The following ADGB variants were observed in gnomAD, a reference collection of about 807,000 sequenced individuals.
The protein encoded by ADGB is androglobin.
Under a neutral mutation model 210.5 loss-of-function variants are expected in ADGB, and 172 were observed. The observed-to-expected ratio is 0.82, with a 90% CI of 0.72 to 0.93. ADGB has a LOEUF of 0.93. ADGB is among the 40% of genes least tolerant of loss of function. The pLI is 0.00. For missense variants in ADGB, 2,025 were observed against 1,964.8 expected, an observed-to-expected ratio of 1.03 and a Z score of -0.58; for synonymous variants, 658 against 662.7, an observed-to-expected ratio of 0.99 and a Z score of 0.11.
chr6:146,612,150 C>T (rs1407400023), intron 1 of ADGB, among the ~76,000 whole-genome samples: 1 of 152,174 alleles, frequency 6.6e-6, no homozygotes, highest in Admixed American at 6.5e-5. Context: ...CTCTCTTTCC[C>T]ATCTGCCTCC....
At chr6:146,663,573 C>T (rs1384776904) in intron 5 of ADGB, among the ~76,000 whole-genome samples, 2 of 151,986 alleles carry the variant, frequency 1.3e-5, no homozygotes, top group African/African-American at 2.4e-5. Flanking sequence ...GAGAAACATT[C>T]TGTATGTATA....
Position 146,672,435 on chromosome 6 carries a change from A to AG in ADGB, c.1057dup (p.Ala353GlyfsTer3). On this transcript the variant is annotated frameshift_variant, in exon 8 of 36. Coordinates refer to ENST00000397944, the MANE Select transcript of ADGB (RefSeq NM_024694.4). LOFTEE classifies it high-confidence loss of function. ...CCTGAAAGTTCTTTGACAACACTAA[A>AG]GGCTCCTGAGAAAAGCGACAAAGTT... is the stretch of plus-strand genomic sequence containing the variant. The AG allele has an allele frequency of 6.5e-7, 1 of 1,548,732 alleles. No individual in the cohort carries two copies. The highest frequency in any genetic ancestry group is 8.7e-7 in the Non-Finnish European group (1 of 1,146,156).
At chr6:146,633,864 A>G (rs1222725990) in intron 1 of ADGB, among the ~76,000 whole-genome samples, 1 of 143,990 alleles carries the variant, frequency 6.9e-6, no homozygotes, top group Non-Finnish European at 1.5e-5. Context: ...AGGCTAATTT[A>G]TTATTGAAGA....
At chr6:146,708,816 T>C (rs1419439060) in intron 13 of ADGB, among the ~76,000 whole-genome samples, 1 of 150,268 alleles carries the variant, frequency 6.7e-6, no homozygotes, top group Non-Finnish European at 1.5e-5. Context: ...TTGTCTCTCT[T>C]TTGTCTTTTG....
At chr6:146,757,111 A>G (rs1488620287) in intron 27 of ADGB, among the ~76,000 whole-genome samples, 2 of 152,098 alleles carry the variant, frequency 1.3e-5, no homozygotes, top group African/African-American at 2.4e-5. Context: ...TCTTTGTATT[A>G]TATGTTGCAT....
intron 33 of ADGB, among the ~76,000 whole-genome samples, chr6:146,795,571 T>C (rs892164009): frequency 6.6e-6 from 1 of 152,104 alleles, no homozygotes. Flanking sequence ...TCACTGATCA[T>C]TAGAAAAATA....
Position 146,681,508 on chromosome 6 carries a change from AAAC to A in ADGB, c.1217-4221_1217-4219del, listed in dbSNP as rs369799303. Among the ~76,000 whole-genome samples the A allele has an allele frequency of 2.8e-4, 42 of 152,234 alleles. 2 individuals are homozygous for A. The South Asian group carries it at 8.3e-3, about 30-fold the overall frequency. ...GGCCTAATACAGTCCAGTAAAACTT[AAAC>A]AACACACCTGGTTGTGTCAAAGATT... On this transcript the variant is annotated intron_variant, in intron 9 of 35. Transcript: ENST00000397944.
At chr6:146,810,000 C>T (rs1778281525) in intron 35 of ADGB, among the ~76,000 whole-genome samples, 1 of 151,406 alleles carries the variant, frequency 6.6e-6, no homozygotes, top group Non-Finnish European at 1.5e-5. Context: ...GCAAAGAAAA[C>T]AACAAAATGA....
At chr6:146,676,879 C>T (rs993969647) in intron 9 of ADGB, among the ~76,000 whole-genome samples, 2 of 152,092 alleles carry the variant, frequency 1.3e-5, no homozygotes, top group Non-Finnish European at 2.9e-5. Context: ...ACTGTGAGGC[C>T]GGAGACTCTG....
chr6:146,682,886 C>A (rs2114913533), intron 9 of ADGB, among the ~76,000 whole-genome samples: 1 of 151,124 alleles, frequency 6.6e-6, no homozygotes, highest in East Asian at 1.9e-4. Flanking sequence ...CTTTTTTTTC[C>A]AAATCCTTTG....
At chr6:146,619,022 T>A (rs1264367549) in intron 1 of ADGB, among the ~76,000 whole-genome samples, 1 of 152,108 alleles carries the variant, frequency 6.6e-6, no homozygotes, top group Non-Finnish European at 1.5e-5. Flanking sequence ...TTGCTTTACA[T>A]ATCTGAGTTC....
At chr6:146,640,321 C>T (rs1335782807) in intron 2 of ADGB, among the ~76,000 whole-genome samples, 1 of 151,974 alleles carries the variant, frequency 6.6e-6, no homozygotes, top group African/African-American at 2.4e-5. Context: ...CAGCTGAATT[C>T]TACCAGATGT....
intron 5 of ADGB, among the ~76,000 whole-genome samples, chr6:146,658,334 CTTTAAGT>C (rs1188580977): frequency 6.6e-6 from 1 of 151,948 alleles, no homozygotes; most frequent in East Asian, 1.9e-4. Context: ...CTAGACTAGA[CTTTAAGT>C]TTTAAATCTG....
At chr6:146,711,980 C>T (rs540890587) in intron 13 of ADGB, among the ~76,000 whole-genome samples, 156 of 151,692 alleles carry the variant, frequency 1.0e-3, no homozygotes, top group African/African-American at 3.7e-3. Context: ...TGGCTTGAGC[C>T]CAGGAGTTTG....
chr6:146,721,483 G>A lies in ADGB; in HGVS notation c.2073G>A (p.Leu691=), dbSNP rs201252634. The change falls in exon 17 of 36, where the codon TTG becomes TTA. Residue 691 remains leucine, a synonymous_variant. Coordinates refer to ENST00000397944, the MANE Select transcript of ADGB (RefSeq NM_024694.4). The part of the protein sequence containing the change: ...PIELLVCFSA[L]VRWGEYGALT... ...AACTACTGGTTTGCTTTTCTGCATT[G>A]GTACGCTGGGGGGAGTATGGAGGTA... 3 of 1,548,672 alleles carry A rather than the reference G, an allele frequency of 1.9e-6. No homozygotes were observed. The highest frequency in any genetic ancestry group is 2.6e-6 in the Non-Finnish European group (3 of 1,144,434).
intron 27 of ADGB, among the ~76,000 whole-genome samples, chr6:146,758,117 C>T (rs964820128): frequency 4.6e-5 from 7 of 152,066 alleles, no homozygotes; most frequent in African/African-American, 9.7e-5. Context: ...GTTTTCAGCA[C>T]TTAGGCTGCA....
At chr6:146,709,908 G>A (rs1338029080) in intron 13 of ADGB, among the ~76,000 whole-genome samples, 1 of 152,066 alleles carries the variant, frequency 6.6e-6, no homozygotes, top group Non-Finnish European at 1.5e-5. Flanking sequence ...TAGCTCTTAT[G>A]AAGATATTTT....
chr6:146,721,803 A>C (rs1009105627), intron 17 of ADGB, among the ~76,000 whole-genome samples: 2 of 152,106 alleles, frequency 1.3e-5, no homozygotes, highest in Non-Finnish European at 2.9e-5. Flanking sequence ...GCGCCATTGC[A>C]CTCCAACCTG....
intron 3 of ADGB, among the ~76,000 whole-genome samples, chr6:146,653,465 T>C (rs891837453): frequency 6.6e-6 from 1 of 152,168 alleles, no homozygotes; most frequent in African/African-American, 2.4e-5. Flanking sequence ...TATCTGTTCA[T>C]GCTAAGTTTA....
Sources: allele counts gnomAD v4.1 joint callset (sites outside exome capture counted in the v4.1 genomes callset), GRCh38; gene constraint gnomAD v4.1.1; transcripts MANE v1.5; gene names NCBI Gene and HGNC (gene_info 2026-07-23, HGNC 2026-07-21).